SEC24D: variants seen among roughly 807,000 people sequenced by gnomAD.
SEC24D encodes SEC24 homolog D, COPII component.
In SEC24D, 69 loss-of-function variants were observed where a neutral mutation model predicts 116.9. That is an observed-to-expected ratio of 0.59 (90% confidence interval 0.49 to 0.72). The LOEUF (loss-of-function observed/expected upper bound fraction) is 0.72. SEC24D is among the 30% of genes least tolerant of loss of function. The pLI, the probability that SEC24D is intolerant of heterozygous loss-of-function variation, is 0.00. For missense variants in SEC24D, 1,131 were observed against 1,264.1 expected, an observed-to-expected ratio of 0.89 and a Z score of 1.60; for synonymous variants, 405 against 442.8, an observed-to-expected ratio of 0.91 and a Z score of 1.07.
Position 118,755,241 on chromosome 4 carries a change from T to C in SEC24D, c.1422-2353A>G, listed in dbSNP as rs1727029265. Among the ~76,000 whole-genome samples, 2 of 152,064 alleles carry C rather than the reference T, an allele frequency of 1.3e-5. 1 individual carries two copies. The highest frequency in any genetic ancestry group is 4.1e-4 in the South Asian group (2 of 4,828). ...ATTTTCAGCCTCTCCTTCCTATTAA[T>C]TCTAGACATGTTTTGTGAAGTTATA... On this transcript the variant is annotated intron_variant, in intron 11 of 22. Transcript: ENST00000280551.
chr4:118,797,587 C>T, intron 8 of SEC24D, 96 bp downstream of exon 8: 2 of 895,796 alleles, frequency 2.2e-6, no homozygotes. Flanking sequence ...TTCCAGTTTC[C>T]TGTTTATATT....
chr4:118,746,336 G>C (rs748980945), intron 13 of SEC24D, among the ~76,000 whole-genome samples: 12 of 151,882 alleles, frequency 7.9e-5, no homozygotes, highest in African/African-American at 2.9e-4. Flanking sequence ...ACAGTGAGAT[G>C]AGCTGCTACC....
chr4:118,822,613 C>A (rs1341923944), intron 3 of SEC24D, among the ~76,000 whole-genome samples: 2 of 152,090 alleles, frequency 1.3e-5, no homozygotes, highest in Admixed American at 1.3e-4. Flanking sequence ...CCTCTGTCAC[C>A]CAGCCTGGAA....
intron 2 of SEC24D, among the ~76,000 whole-genome samples, chr4:118,827,106 A>G (rs562276064): frequency 6.6e-6 from 1 of 152,272 alleles, no homozygotes; most frequent in Non-Finnish European, 1.5e-5. Context: ...TAGAAAGCAA[A>G]GCTTGAGCAA....
chr4:118,747,111 T>C (rs919150260), intron 13 of SEC24D, among the ~76,000 whole-genome samples: 3 of 152,096 alleles, frequency 2.0e-5, no homozygotes, highest in South Asian at 2.1e-4. Flanking sequence ...GTACGCTGCA[T>C]AGGAGAAAGA....
chr4:118,731,275 AT>A, intron 21 of SEC24D, 40 bp downstream of exon 21: 2 of 1,515,578 alleles, frequency 1.3e-6, no homozygotes, highest in South Asian at 1.1e-5. Flanking sequence ...ACGAATTTAT[AT>A]TTTTCATATT....
At chr4:118,776,991 G>T (rs562758708) in intron 8 of SEC24D, among the ~76,000 whole-genome samples, 194 of 152,130 alleles carry the variant, frequency 1.3e-3, no homozygotes, top group African/African-American at 4.4e-3. Flanking sequence ...AACTATCTTT[G>T]TCTCTCTGGC....
intron 19 of SEC24D, among the ~76,000 whole-genome samples, chr4:118,736,847 G>A (rs566657173): frequency 2.2e-4 from 34 of 152,294 alleles, no homozygotes; most frequent in East Asian, 1.2e-3. Flanking sequence ...TTTTAACTCC[G>A]GAAATCATTT....
In SEC24D at chr4:118,752,884, C is replaced by A; in HGVS notation, c.1426G>T (p.Glu476Ter). The change falls in exon 12 of 23, where the codon GAG (glutamate) becomes TAG (stop). Residue 476 changes from glutamate (E) to a stop codon, truncating the protein, a stop_gained. Coordinates refer to ENST00000280551, the MANE Select transcript of SEC24D (RefSeq NM_014822.4). LOFTEE classifies it high-confidence loss of function. ...KTMLEKIPKE[E>*]QEETSAIRVG... ...CGAATTGCAGACGTCTCTTCTTGCT[C>A]TTCCCTGTAAGGAAAAAAAAAAGTG... 6.4e-7 allele frequency: 1 copy of A among 1,551,586 alleles called. No homozygotes were observed. The highest frequency in any genetic ancestry group is 2.3e-5 in the East Asian group (1 of 42,602).
At chr4:118,765,332 T>C (rs1727594464) in intron 9 of SEC24D, among the ~76,000 whole-genome samples, 1 of 152,252 alleles carries the variant, frequency 6.6e-6, no homozygotes, top group African/African-American at 2.4e-5. Flanking sequence ...ACAATATTTA[T>C]TATGCTTTAA....
In SEC24D at chr4:118,814,796, GA is replaced by G. The variant is rs892083650; in HGVS notation, c.801+231del. ...AAGTTTATATGACACCAAAAAAAAA[GA>G]AAAAAAAAATCAGCACAGGCTGCTC... On this transcript the variant is annotated intron_variant, in intron 6 of 22. Coordinates refer to ENST00000280551, the MANE Select transcript of SEC24D (RefSeq NM_014822.4). Among the ~76,000 whole-genome samples the G allele has an allele frequency of 5.2e-3, 764 of 148,132 alleles. 6 individuals carry two copies. Among genetic ancestry groups the G allele is most frequent in the African/African-American group, 0.018 (732 of 40,374 alleles).
At chr4:118,757,913 T>G (rs896408453) in intron 10 of SEC24D, 68 bp from the exon 11 acceptor site, 17 of 1,288,118 alleles carry the variant, frequency 1.3e-5, no homozygotes, top group Non-Finnish European at 1.8e-5. Flanking sequence ...CAATACTCAT[T>G]AGAAACTCTT....
In SEC24D at chr4:118,731,381, T is replaced by C; in HGVS notation, c.2803A>G (p.Ser935Gly). 6.2e-7 allele frequency: 1 copy of C among 1,614,130 alleles called. No individual in the cohort carries two copies. The highest frequency in any genetic ancestry group is 8.5e-7 in the Non-Finnish European group (1 of 1,179,952). The change falls in exon 21 of 23, where the codon AGC becomes GGC. Residue 935 changes from serine (S) to glycine (G), a missense_variant. Coordinates refer to ENST00000280551, the MANE Select transcript of SEC24D (RefSeq NM_014822.4). ...LHMFLWLGVS[S>G]PPELIQGIFN... is the part of the protein sequence containing the mutation. ...ATTCCTTGGATCAGTTCTGGTGGGC[T>C]GCTTACTCCCAACCACAGGAACATG...
chr4:118,759,186 G>A (rs182284070), intron 10 of SEC24D, among the ~76,000 whole-genome samples: 54 of 152,114 alleles, frequency 3.5e-4, no homozygotes, highest in Non-Finnish European at 6.0e-4. Context: ...TTAATTCATC[G>A]TTCCTCTAAA....
intron 8 of SEC24D, among the ~76,000 whole-genome samples, chr4:118,779,942 G>A (rs1728320601): frequency 6.6e-6 from 1 of 152,090 alleles, no homozygotes; most frequent in Non-Finnish European, 1.5e-5. Context: ...TGGGATCGGT[G>A]GTGACATCCC....
At chr4:118,736,482 G>C (rs1163575450) in intron 19 of SEC24D, 1 of 231,730 alleles carries the variant, frequency 4.3e-6, no homozygotes, top group African/African-American at 2.4e-5. Context: ...TCTTGCTTGG[G>C]TCAAGGAAAC....
intron 16 of SEC24D, 47 bp from the exon 17 acceptor site, chr4:118,740,855 G>A (rs774734636): frequency 6.2e-7 from 1 of 1,605,930 alleles, no homozygotes; most frequent in South Asian, 1.1e-5. Context: ...TTATTCTACT[G>A]TTATTTTCTT....
chr4:118,723,465 A>G lies in SEC24D; in HGVS notation c.*50T>C, dbSNP rs755825038. ...ATCATCTAGAAAATTAGGCACCAAG[A>G]AGGAGATTATCTCCTTGGAAATGCA... On this transcript the variant is annotated 3_prime_UTR_variant, in exon 23 of 23. Transcript: ENST00000280551. The G allele has an allele frequency of 6.4e-7, 1 of 1,557,402 alleles. No individual in the cohort carries two copies. The highest frequency in any genetic ancestry group is 8.7e-7 in the Non-Finnish European group (1 of 1,148,998).
chr4:118,754,848 A>G (rs570621770), intron 11 of SEC24D, among the ~76,000 whole-genome samples: 152 of 152,288 alleles, frequency 1.0e-3, no homozygotes, highest in African/African-American at 3.5e-3. Flanking sequence ...AAAACTTTTT[A>G]TGACATTAGG....
Sources: allele counts gnomAD v4.1 joint callset (sites outside exome capture counted in the v4.1 genomes callset), GRCh38; gene constraint gnomAD v4.1.1; transcripts MANE v1.5; gene names NCBI Gene and HGNC (gene_info 2026-07-23, HGNC 2026-07-21).